Variants in MAGI2 observed in about 807,000 individuals in gnomAD.
The protein encoded by MAGI2 is membrane-associated guanylate kinase, WW and PDZ domain-containing protein 2.
MAGI2 carries 35 observed loss-of-function variants against 133.3 expected under a neutral mutation model. That is an observed-to-expected ratio of 0.26 (90% CI 0.20 to 0.35). The LOEUF is 0.35. Ranked by LOEUF, MAGI2 falls within the 10% of genes least tolerant of loss-of-function variation. The probability of loss-of-function intolerance (pLI) is 1.00; values close to 1 mark genes in which losing one functional copy is unlikely to be tolerated. For synonymous variants in MAGI2, 729 were observed against 710.6 expected (o/e 1.03, Z -0.41); for missense variants, 1,636 against 1,863.4 (o/e 0.88, Z 2.25).
intron 1 of MAGI2, among the ~76,000 whole-genome samples, chr7:79,433,415 T>C (rs1847916572): frequency 6.6e-6 from 1 of 151,944 alleles, no homozygotes; most frequent in Non-Finnish European, 1.5e-5. Context: ...TAGCCGGGCG[T>C]GGTGGCAGGC....
At chr7:78,102,982 C>T (rs896960075) in intron 20 of MAGI2, among the ~76,000 whole-genome samples, 1 of 152,148 alleles carries the variant, frequency 6.6e-6, no homozygotes, top group Non-Finnish European at 1.5e-5. Flanking sequence ...TAAAAAGGCA[C>T]TTGGGGGATA....
chr7:79,450,323 T>C (rs1849154731), intron 1 of MAGI2, among the ~76,000 whole-genome samples: 3 of 151,794 alleles, frequency 2.0e-5, no homozygotes, highest in Non-Finnish European at 4.4e-5. Flanking sequence ...ACAGGCACTA[T>C]AGTAAAGGTT....
chr7:78,088,602 A>G (rs1053375778), intron 20 of MAGI2, among the ~76,000 whole-genome samples: 2 of 152,242 alleles, frequency 1.3e-5, no homozygotes, highest in Non-Finnish European at 2.9e-5. Flanking sequence ...GAAAGACATC[A>G]GGGAGGAAAA....
intron 1 of MAGI2, among the ~76,000 whole-genome samples, chr7:79,314,644 A>C (rs1374312667): frequency 2.6e-5 from 4 of 152,136 alleles, no homozygotes. Flanking sequence ...AATTTTTCTC[A>C]CACTCCTAGT....
At chr7:78,084,538 T>C (rs192763061) in intron 20 of MAGI2, among the ~76,000 whole-genome samples, 319 of 152,356 alleles carry the variant, frequency 2.1e-3, no homozygotes, top group Middle Eastern at 0.01. Context: ...AAATACTGCC[T>C]TACGCAGTTC....
intron 2 of MAGI2, among the ~76,000 whole-genome samples, chr7:78,818,374 G>T (rs565328535): frequency 6.6e-6 from 1 of 152,112 alleles, no homozygotes; most frequent in African/African-American, 2.4e-5. Flanking sequence ...CTCAGTAAGG[G>T]CTACAACTTT....
chr7:79,452,884 A>C, intron 1 of MAGI2, 136 bp downstream of exon 1: 2 of 910,684 alleles, frequency 2.2e-6, no homozygotes, highest in Non-Finnish European at 3.2e-6. Context: ...ACTCACTTGC[A>C]CTGCGGGTGC....
At chr7:78,288,086 T>C (rs1371722674) in intron 9 of MAGI2, among the ~76,000 whole-genome samples, 1 of 152,198 alleles carries the variant, frequency 6.6e-6, no homozygotes, top group Non-Finnish European at 1.5e-5. Flanking sequence ...GGATTTTCAA[T>C]GTGAGTATAT....
intron 2 of MAGI2, among the ~76,000 whole-genome samples, chr7:78,809,433 G>A (rs1162867268): frequency 6.6e-6 from 1 of 152,232 alleles, no homozygotes; most frequent in African/African-American, 2.4e-5. Context: ...GATCTGGAAA[G>A]AGATTATGTG....
chr7:79,003,349 G>T (rs1369317518), intron 2 of MAGI2, among the ~76,000 whole-genome samples: 2 of 152,034 alleles, frequency 1.3e-5, no homozygotes, highest in African/African-American at 4.8e-5. Flanking sequence ...ACTCAGTTAG[G>T]TCTTGTTTTG....
chr7:78,141,117 T>G (rs3807704), intron 16 of MAGI2, among the ~76,000 whole-genome samples: 16,628 of 152,000 alleles, frequency 0.11, 1,193 homozygotes, highest in Non-Finnish European at 0.17. Flanking sequence ...CCAAGGAGGT[T>G]TGCGGGGAGA....
intron 20 of MAGI2, among the ~76,000 whole-genome samples, chr7:78,111,251 A>AT (rs1420750473): frequency 1.3e-5 from 2 of 152,168 alleles, no homozygotes; most frequent in Non-Finnish European, 2.9e-5. Context: ...AGTAAAGTGT[A>AT]TTTTTTCAGA....
chr7:78,767,393 C>A (rs1825142194), intron 2 of MAGI2, among the ~76,000 whole-genome samples: 1 of 151,600 alleles, frequency 6.6e-6, no homozygotes, highest in South Asian at 2.1e-4. Flanking sequence ...TCAGAGTAAG[C>A]AGCTGAGATC....
chr7:78,056,405 C>T (rs1219360059), intron 21 of MAGI2, among the ~76,000 whole-genome samples: 2 of 152,080 alleles, frequency 1.3e-5, no homozygotes, highest in Non-Finnish European at 2.9e-5. Flanking sequence ...ATACTAAAGA[C>T]ATGGAATCAG....
intron 2 of MAGI2, among the ~76,000 whole-genome samples, chr7:78,758,660 G>T (rs914093340): frequency 6.6e-6 from 1 of 152,096 alleles, no homozygotes; most frequent in Non-Finnish European, 1.5e-5. Flanking sequence ...TCACAAAAGG[G>T]TCTCATTCTT....
intron 12 of MAGI2, among the ~76,000 whole-genome samples, chr7:78,193,832 A>G (rs901961417): frequency 1.5e-5 from 2 of 133,522 alleles, no homozygotes; most frequent in African/African-American, 5.0e-5. Context: ...TGCCATCCTA[A>G]CTATTTTTCA....
chr7:78,457,864 T>C (rs1429979590), intron 6 of MAGI2, among the ~76,000 whole-genome samples: 1 of 152,232 alleles, frequency 6.6e-6, no homozygotes, highest in Non-Finnish European at 1.5e-5. Flanking sequence ...TGCTTTTCAA[T>C]ACATTATACT....
intron 1 of MAGI2, among the ~76,000 whole-genome samples, chr7:79,252,156 C>CAAAAAAAA (rs1208897198): frequency 9.8e-5 from 10 of 102,556 alleles, no homozygotes; most frequent in Admixed American, 1.3e-4. Flanking sequence ...GACCCTGTCT[C>CAAAAAAAA]AAAAAAAAAA....
At chr7:79,021,881 C>A (rs577421073) in intron 1 of MAGI2, among the ~76,000 whole-genome samples, 1 of 152,054 alleles carries the variant, frequency 6.6e-6, no homozygotes, top group Non-Finnish European at 1.5e-5. Context: ...TGTAAGAATC[C>A]CAATATGTCA....
Sources: allele counts gnomAD v4.1 joint callset (sites outside exome capture counted in the v4.1 genomes callset), GRCh38; gene constraint gnomAD v4.1.1; transcripts MANE v1.5; gene names NCBI Gene and HGNC (gene_info 2026-07-23, HGNC 2026-07-21).